Variants in VXN observed in about 807,000 individuals in gnomAD.
VXN encodes the protein uncharacterized protein C8orf46.
Under a neutral mutation model 23.1 loss-of-function variants are expected in VXN, and 7 were observed. That is an observed-to-expected ratio of 0.30 (90% CI 0.17 to 0.57). The LOEUF (loss-of-function observed/expected upper bound fraction) is 0.57. Ranked by LOEUF, VXN falls within the 20% of genes least tolerant of loss-of-function variation. VXN has a pLI of 0.91. For missense variants in VXN, 238 were observed against 272.6 expected (o/e 0.87, Z 0.89); for synonymous variants, 120 against 105.8 (o/e 1.13, Z -0.83).
At chr8:66,496,592 G>T in intron 2 of VXN, 100 bp downstream of exon 2, 2 of 1,104,714 alleles carry the variant, frequency 1.8e-6, no homozygotes, top group South Asian at 2.5e-5. Flanking sequence ...CAGTGGCCAG[G>T]AGGGTTTCAG....
At chr8:66,499,721 A>AT (rs1041642083) in intron 2 of VXN, among the ~76,000 whole-genome samples, 2 of 151,546 alleles carry the variant, frequency 1.3e-5, no homozygotes, top group Admixed American at 6.6e-5. Context: ...ACGCCCAGCT[A>AT]TTTTTTTTAA....
At position 66,513,044 on chromosome 8, in the gene VXN, C is replaced by T. The variant is rs1270260576; in HGVS notation, c.343-496C>T. ...GGATCTGGTCGGAAGCAAGGAGGTC[C>T]GAGGTCACTGTCCCTTGAAGGCTGC... On this transcript the variant is annotated intron_variant, in intron 4 of 5. Coordinates refer to ENST00000305454, the MANE Select transcript of VXN (RefSeq NM_152765.4). 3.3e-5 allele frequency among the ~76,000 whole-genome samples: 5 copies of T among 152,246 alleles called. No homozygotes were observed. In the South Asian group the frequency reaches 6.2e-4, roughly 19 times the overall value.
At chr8:66,504,969 C>T (rs1807733027) in intron 2 of VXN, among the ~76,000 whole-genome samples, 1 of 152,266 alleles carries the variant, frequency 6.6e-6, no homozygotes, top group Non-Finnish European at 1.5e-5. Context: ...CACTCAGCTA[C>T]AAAGACTGTA....
intron 3 of VXN, among the ~76,000 whole-genome samples, chr8:66,509,172 T>G (rs1807793553): frequency 6.6e-6 from 1 of 152,218 alleles, no homozygotes; most frequent in African/African-American, 2.4e-5. Flanking sequence ...TTATTTTATT[T>G]GCATTGAGGT....
chr8:66,500,867 GATTT>G (rs894694609), intron 2 of VXN, among the ~76,000 whole-genome samples: 11 of 140,478 alleles, frequency 7.8e-5, no homozygotes, highest in African/African-American at 2.9e-4. Context: ...CAAAGGACAT[GATTT>G]TTTTTTTTTT....
intron 4 of VXN, among the ~76,000 whole-genome samples, chr8:66,512,423 G>A (rs761972913): frequency 6.6e-6 from 1 of 152,208 alleles, no homozygotes; most frequent in African/African-American, 2.4e-5. Flanking sequence ...GGTGAAGAAG[G>A]TGCCCTTGAC....
At chr8:66,512,127 G>A (rs1048122422) in intron 4 of VXN, among the ~76,000 whole-genome samples, 3 of 151,778 alleles carry the variant, frequency 2.0e-5, no homozygotes, top group Admixed American at 6.6e-5. Flanking sequence ...CCTTCCTCAG[G>A]CCTGGAGATA....
chr8:66,508,292 CCCTT>C (rs1364712202), intron 3 of VXN, among the ~76,000 whole-genome samples: 1 of 152,148 alleles, frequency 6.6e-6, no homozygotes. Context: ...GGCTCCCACT[CCCTT>C]CATCTCGGCT....
chr8:66,504,455 T>G (rs1414621281), intron 2 of VXN, among the ~76,000 whole-genome samples: 2 of 130,034 alleles, frequency 1.5e-5, no homozygotes, highest in Admixed American at 8.5e-5. Context: ...TGTATAAACA[T>G]GCAGGATCGA....
chr8:66,505,621 G>A, intron 3 of VXN, 93 bp downstream of exon 3: 1 of 1,377,214 alleles, frequency 7.3e-7, no homozygotes, highest in Non-Finnish European at 9.4e-7. Context: ...AGCGTTGGCG[G>A]TGGCTGCGGC....
chr8:66,506,232 AGTGT>A (rs61613088), intron 3 of VXN, among the ~76,000 whole-genome samples: 2,775 of 140,374 alleles, frequency 0.02, 38 homozygotes, highest in Admixed American at 0.047. Flanking sequence ...AGAGAGAGAC[AGTGT>A]GTGTGTGTGT....
At chr8:66,501,628 G>A (rs148297908) in intron 2 of VXN, among the ~76,000 whole-genome samples, 130 of 152,306 alleles carry the variant, frequency 8.5e-4, no homozygotes, top group African/African-American at 2.9e-3. Flanking sequence ...CAGCACAGGA[G>A]TGCTCTCTGG....
chr8:66,515,055 C>T (rs1807871197), intron 5 of VXN, among the ~76,000 whole-genome samples: 1 of 152,164 alleles, frequency 6.6e-6, no homozygotes, highest in African/African-American at 2.4e-5. Flanking sequence ...TCTGTTATAT[C>T]CAATAAATAT....
chr8:66,510,399 A>G (rs1807808372), intron 4 of VXN: 3 of 475,512 alleles, frequency 6.3e-6, no homozygotes, highest in Non-Finnish European at 1.1e-5. Context: ...TAGGCAAACA[A>G]AAGAAGCTAT....
intron 3 of VXN, among the ~76,000 whole-genome samples, chr8:66,508,924 G>A (rs894625985): frequency 6.6e-6 from 1 of 152,152 alleles, no homozygotes; most frequent in African/African-American, 2.4e-5. Flanking sequence ...GAGCTCAGGA[G>A]GTCAAGGCTG....
At chr8:66,510,367 T>C (rs1190120227) in intron 4 of VXN, 2 of 518,212 alleles carry the variant, frequency 3.9e-6, no homozygotes, top group Non-Finnish European at 6.8e-6. Flanking sequence ...GCTTCTCTCT[T>C]TCTTGTGAGA....
At chr8:66,499,572 T>G (rs1807667809) in intron 2 of VXN, among the ~76,000 whole-genome samples, 1 of 149,858 alleles carries the variant, frequency 6.7e-6, no homozygotes, top group Non-Finnish European at 1.5e-5. Flanking sequence ...GTTTGTTTGT[T>G]TGAGACACAG....
intron 3 of VXN, among the ~76,000 whole-genome samples, chr8:66,506,881 G>T (rs959273135): frequency 1.8e-5 from 2 of 110,024 alleles, no homozygotes; most frequent in Admixed American, 1.5e-4. Flanking sequence ...AAATTAAGAC[G>T]AGATAGATTT....
At position 66,515,877 on chromosome 8, in the gene VXN, C is replaced by T. The variant is rs1384116454; in HGVS notation, c.441-16C>T. ...GAGCAGACCACCCTCCCCACCCACT[C>T]CTGGCTTTTCTTTAGATCCAGACAT... On this transcript the variant is annotated splice_polypyrimidine_tract_variant and intron_variant, in intron 5 of 5. Transcript: ENST00000305454. The T allele has an allele frequency of 1.3e-6, 2 of 1,558,660 alleles. No homozygotes were observed. Among genetic ancestry groups the T allele is most frequent in the Admixed American group, 1.9e-5 (1 of 51,616 alleles).
Sources: gnomAD v4.1 joint callset for allele counts (sites outside exome capture counted in the v4.1 genomes callset) on GRCh38, gnomAD v4.1.1 for gene constraint, MANE v1.5 for transcripts, NCBI Gene and HGNC (gene_info 2026-07-23, HGNC 2026-07-21) for gene names.